The following KPNB1 variants were observed in gnomAD, a reference collection of about 807,000 sequenced individuals.
The protein encoded by KPNB1 is karyopherin subunit beta 1.
A neutral mutation model predicts 113.0 loss-of-function variants in KPNB1; 7 were observed. The observed-to-expected ratio is 0.06, with a 90% CI of 0.04 to 0.12. The LOEUF (loss-of-function observed/expected upper bound fraction) is 0.12, where lower values mean the gene tolerates loss of function less well. Among genes scored for constraint, KPNB1 ranks in the 10% least tolerant of loss-of-function variants. The pLI, the probability that KPNB1 is intolerant of heterozygous loss-of-function variation, is 1.00. For missense variants in KPNB1, 400 were observed against 1,054.8 expected (o/e 0.38, Z 8.60); for synonymous variants, 363 against 378.6 (o/e 0.96, Z 0.48).
At chr17:47,654,141 G>A (rs570861661) in intron 3 of KPNB1, among the ~76,000 whole-genome samples, 12 of 152,088 alleles carry the variant, frequency 7.9e-5, no homozygotes, top group African/African-American at 2.2e-4. Context: ...ATGGCTGGGC[G>A]CAGTGGCTCA....
intron 4 of KPNB1, 71 bp downstream of exon 4, chr17:47,657,131 G>A (rs1374845872): frequency 6.5e-6 from 8 of 1,233,450 alleles, no homozygotes; most frequent in Non-Finnish European, 9.4e-6. Flanking sequence ...AATGATATTA[G>A]TACTACCTTA....
chr17:47,668,110 A>G (rs59911216), intron 9 of KPNB1, 76 bp from the exon 10 acceptor site: 32,935 of 1,121,284 alleles, frequency 0.029, 985 homozygotes, highest in East Asian at 0.11. Flanking sequence ...AAGACATTCA[A>G]GAGTAGTCAG....
intron 12 of KPNB1, chr17:47,671,930 C>T (rs1258410402): frequency 6.6e-6 from 1 of 151,928 alleles, no homozygotes; most frequent in African/African-American, 2.4e-5. Flanking sequence ...TTGGAGACAA[C>T]CTTTAACAAT....
chr17:47,669,958 C>A, intron 11 of KPNB1, 89 bp downstream of exon 11: 1 of 924,964 alleles, frequency 1.1e-6, no homozygotes, highest in Non-Finnish European at 1.7e-6. Flanking sequence ...CAATCTGCCT[C>A]ACTGGAATGC....
intron 3 of KPNB1, among the ~76,000 whole-genome samples, chr17:47,653,225 C>T (rs1175914666): frequency 1.3e-5 from 2 of 150,900 alleles, no homozygotes; most frequent in South Asian, 2.1e-4. Context: ...TATTTCCAAG[C>T]TCTCCAGAAA....
chr17:47,664,978 C>T, intron 8 of KPNB1, 79 bp from the exon 9 acceptor site: 2 of 950,270 alleles, frequency 2.1e-6, no homozygotes, highest in Non-Finnish European at 3.5e-6. Flanking sequence ...TTAAGAGATC[C>T]CTGTTCGGCT....
Position 47,684,236 on chromosome 17 carries a change from C to A in KPNB1, c.*1832C>A, listed in dbSNP as rs1026734438. ...CTTCCATTCCTAAGTGGGATTGGCT[C>A]AGTTTTGCCCATCCATATGGCAGCA... On this transcript the variant is annotated 3_prime_UTR_variant, in exon 22 of 22. Transcript: ENST00000290158. 1.3e-5 allele frequency: 2 copies of A among 151,984 alleles called. No homozygotes were observed. The highest frequency in any genetic ancestry group is 6.6e-5 in the Admixed American group (1 of 15,248). 9.4% of individuals were successfully genotyped at this position (151,984 alleles called of 1,614,324 possible).
At chr17:47,662,756 A>G (rs1042588342) in intron 6 of KPNB1, among the ~76,000 whole-genome samples, 3 of 151,664 alleles carry the variant, frequency 2.0e-5, no homozygotes, top group Admixed American at 1.3e-4. Context: ...GGTGGCGGGC[A>G]CCTGTAGTCC....
At chr17:47,667,640 CT>C (rs2030330605) in intron 9 of KPNB1, among the ~76,000 whole-genome samples, 1 of 151,940 alleles carries the variant, frequency 6.6e-6, no homozygotes, top group African/African-American at 2.4e-5. Context: ...TCACTGCAAC[CT>C]CCGCCTTCCA....
At chr17:47,673,264 G>C in intron 13 of KPNB1, 99 bp downstream of exon 13, 2 of 1,198,616 alleles carry the variant, frequency 1.7e-6, no homozygotes, top group East Asian at 2.3e-5. Flanking sequence ...TAGTGTTTAA[G>C]TATATATTTT....
Position 47,676,481 on chromosome 17 carries a change from C to T in KPNB1, c.1985C>T (p.Ala662Val), listed in dbSNP as rs2030616839. The T allele has an allele frequency of 6.2e-7, 1 of 1,610,158 alleles. No individual in the cohort carries two copies. Among genetic ancestry groups the T allele is most frequent in the Non-Finnish European group, 8.5e-7 (1 of 1,176,568 alleles). ...PFLGIGLKNY[A>V]EYQVCLAAVG... ...CTGGGCATTGGATTAAAAAATTATG[C>T]TGAATACCAGGTAGGATGTGCTTTT... Residue 662 changes from alanine (A) to valine (V), a missense_variant, in exon 16 of 22, where the codon GCT becomes GTT. This residue lies in a region of KPNB1 where 115 missense variants were observed against 427.9 expected (regional missense o/e 0.27). Coordinates refer to ENST00000290158, the MANE Select transcript of KPNB1 (RefSeq NM_002265.6).
intron 11 of KPNB1, 158 bp from the exon 12 acceptor site, chr17:47,670,540 ATAGT>A (rs1000384439): frequency 2.2e-4 from 121 of 542,792 alleles, no homozygotes; most frequent in Admixed American, 1.6e-3. Context: ...AAATAAATAA[ATAGT>A]TAGTTTAAAA....
chr17:47,665,287 A>T, intron 9 of KPNB1, 129 bp downstream of exon 9: 1 of 706,478 alleles, frequency 1.4e-6, no homozygotes, highest in Non-Finnish European at 2.5e-6. Context: ...TGACTTAGAA[A>T]CAGCTAAGCT....
At position 47,669,850 on chromosome 17, in the gene KPNB1, T is replaced by C; in HGVS notation, c.1397T>C (p.Val466Ala). Residue 466 changes from valine (V) to alanine (A), a missense_variant, in exon 11 of 22, where the codon GTG becomes GCG. By Grantham distance (64) the Val-to-Ala change is moderately conservative. Coordinates refer to ENST00000290158, the MANE Select transcript of KPNB1 (RefSeq NM_002265.6). ...LIEGLSAEPR[V>A]ASNVCWAFSS... ...GAGGGTCTCAGTGCTGAACCCAGAG[T>C]GGCTTCAAATGTGTGCTGGGTAAGG... 1 of 1,606,282 alleles carries C rather than the reference T, an allele frequency of 6.2e-7. No homozygotes were observed. Among genetic ancestry groups the C allele is most frequent in the Non-Finnish European group, 8.5e-7 (1 of 1,173,306 alleles).
At chr17:47,653,443 T>G (rs945585940) in intron 3 of KPNB1, among the ~76,000 whole-genome samples, 2 of 151,980 alleles carry the variant, frequency 1.3e-5, no homozygotes, top group African/African-American at 2.4e-5. Context: ...GGTTTCACCA[T>G]GTTGGCCAGG....
chr17:47,680,448 C>CA (rs2030737124), intron 20 of KPNB1, 60 bp from the exon 21 acceptor site: 1 of 1,582,938 alleles, frequency 6.3e-7, no homozygotes, highest in African/African-American at 1.4e-5. Flanking sequence ...TTGGAAGGCT[C>CA]AAAACATTAT....
chr17:47,658,597 G>C lies in KPNB1; in HGVS notation c.573G>C (p.Lys191Asn). 6.2e-7 allele frequency: 1 copy of C among 1,613,958 alleles called. No homozygotes were observed. The highest frequency in any genetic ancestry group is 8.5e-7 in the Non-Finnish European group (1 of 1,180,004). ...AAGAAGAGCCTAGTAATAATGTGAAGCTAGCTGCTACGAATGCACTCCTGA... is the reference window on the plus strand; with the variant it reads ...AAGAAGAGCCTAGTAATAATGTGAACCTAGCTGCTACGAATGCACTCCTGA... ...MRKEEPSNNV[K>N]LAATNALLNS... Residue 191 changes from lysine (K) to asparagine (N), a missense_variant, in exon 5 of 22, where the codon AAG becomes AAC. Physicochemically the swap from Lys to Asn is moderately conservative, Grantham distance 94. This residue lies in a region of KPNB1 where 285 missense variants were observed against 627.0 expected (regional missense o/e 0.45). Transcript: ENST00000290158.
chr17:47,661,257 G>T, intron 6 of KPNB1, 79 bp downstream of exon 6: 3 of 1,045,414 alleles, frequency 2.9e-6, no homozygotes, highest in East Asian at 4.8e-5. Flanking sequence ...TTGAAATACT[G>T]GGAATCAGTT....
chr17:47,650,203 G>T lies in KPNB1; in HGVS notation c.-42G>T. 1 of 1,484,548 alleles carries T rather than the reference G, an allele frequency of 6.7e-7. No individual in the cohort carries two copies. The highest frequency in any genetic ancestry group is 9.0e-7 in the Non-Finnish European group (1 of 1,115,198). The allele number at this position is 1,484,548 out of a possible 1,614,324, so 92.0% of individuals were successfully genotyped here. ...TTCGAGCCGCCGCCCGAAAGGCCGG[G>T]CCGTCGTCTTAGGAGGAGTCGCCGC... On this transcript the variant is annotated 5_prime_UTR_variant, in exon 1 of 22. Coordinates refer to ENST00000290158, the MANE Select transcript of KPNB1 (RefSeq NM_002265.6).
Sources: allele counts gnomAD v4.1 joint callset (sites outside exome capture counted in the v4.1 genomes callset), GRCh38; gene constraint gnomAD v4.1.1; regional missense constraint gnomAD v4.1.1; transcripts MANE v1.5; gene names NCBI Gene and HGNC (gene_info 2026-07-23, HGNC 2026-07-21).